The following TRPM3 variants were observed in gnomAD, a reference collection of about 807,000 sequenced individuals.
TRPM3 encodes the protein transient receptor potential cation channel subfamily M member 3, also known as long transient receptor potential channel 3.
Under a neutral mutation model 181.2 loss-of-function variants are expected in TRPM3, and 77 were observed. That is an observed-to-expected ratio of 0.42 (90% confidence interval 0.35 to 0.51). TRPM3 has a LOEUF of 0.51. Ranked by LOEUF, TRPM3 falls within the 20% of genes least tolerant of loss-of-function variation. The pLI is 0.01. For missense variants in TRPM3, 1,759 were observed against 2,196.7 expected, an observed-to-expected ratio of 0.80 and a Z score of 3.98; for synonymous variants, 745 against 796.4, an observed-to-expected ratio of 0.94 and a Z score of 1.09.
At chr9:70,831,848 A>G (rs1258613716) in intron 5 of TRPM3, among the ~76,000 whole-genome samples, 1 of 150,778 alleles carries the variant, frequency 6.6e-6, no homozygotes, top group Non-Finnish European at 1.5e-5. Flanking sequence ...AAAGAATGTA[A>G]CTGAATTATT....
intron 1 of TRPM3, among the ~76,000 whole-genome samples, chr9:71,250,620 G>A (rs12378604): frequency 0.27 from 41,736 of 152,062 alleles, 6,786 homozygotes; most frequent in African/African-American, 0.45. Context: ...AGGATTCCTA[G>A]TCTCAAGGAG....
intron 1 of TRPM3, among the ~76,000 whole-genome samples, chr9:71,186,270 G>A (rs2077673658): frequency 6.6e-6 from 1 of 151,954 alleles, no homozygotes; most frequent in Admixed American, 6.6e-5. Flanking sequence ...GGGAGGTTAT[G>A]GCTTCAATCT....
intron 1 of TRPM3, among the ~76,000 whole-genome samples, chr9:70,956,902 AT>A (rs1472625108): frequency 6.6e-6 from 1 of 151,556 alleles, no homozygotes; most frequent in Non-Finnish European, 1.5e-5. Context: ...CAAAAAAAAA[AT>A]TTCTTCTAAA....
At chr9:71,031,739 T>C (rs377676411) in intron 1 of TRPM3, among the ~76,000 whole-genome samples, 18 of 151,062 alleles carry the variant, frequency 1.2e-4, no homozygotes, top group East Asian at 9.7e-4. Context: ...GCTGGAGCCA[T>C]TGGGGTAATC....
At chr9:70,883,569 A>T (rs930091475) in intron 1 of TRPM3, among the ~76,000 whole-genome samples, 4 of 152,150 alleles carry the variant, frequency 2.6e-5, no homozygotes, top group Non-Finnish European at 5.9e-5. Flanking sequence ...TCCCATTCCA[A>T]TTCTCATCAA....
At chr9:70,945,434 T>G (rs1350890149) in intron 1 of TRPM3, among the ~76,000 whole-genome samples, 1 of 152,216 alleles carries the variant, frequency 6.6e-6, no homozygotes, top group Non-Finnish European at 1.5e-5. Flanking sequence ...AAACATCAGC[T>G]TTCTTGTCTG....
chr9:71,174,084 T>A (rs1433194615), intron 1 of TRPM3, among the ~76,000 whole-genome samples: 2 of 152,196 alleles, frequency 1.3e-5, no homozygotes, highest in African/African-American at 2.4e-5. Flanking sequence ...TCTGTACGAG[T>A]ATTTATATAT....
chr9:70,643,069 C>A (rs558967533), intron 9 of TRPM3, among the ~76,000 whole-genome samples: 1 of 152,272 alleles, frequency 6.6e-6, no homozygotes, highest in African/African-American at 2.4e-5. Flanking sequence ...TTAGTGTTTA[C>A]AATGATGAAT....
intron 1 of TRPM3, among the ~76,000 whole-genome samples, chr9:71,398,328 A>G (rs1171648485): frequency 6.6e-6 from 1 of 152,138 alleles, no homozygotes; most frequent in Non-Finnish European, 1.5e-5. Context: ...TTAATACACT[A>G]TTTTTCCCAC....
intron 12 of TRPM3, among the ~76,000 whole-genome samples, chr9:70,629,966 T>C (rs1239135330): frequency 6.6e-6 from 1 of 152,220 alleles, no homozygotes; most frequent in African/African-American, 2.4e-5. Flanking sequence ...ATAGGTGTCC[T>C]GCGTGGACTC....
At chr9:70,610,890 C>T (rs2061904392) in intron 18 of TRPM3, 141 bp from the exon 19 acceptor site, 5 of 921,306 alleles carry the variant, frequency 5.4e-6, no homozygotes, top group South Asian at 5.1e-5. Flanking sequence ...TGTACCTTCC[C>T]TAAGAGTGCA....
chr9:71,364,083 C>A (rs1411090870), intron 1 of TRPM3, among the ~76,000 whole-genome samples: 1 of 151,872 alleles, frequency 6.6e-6, no homozygotes, highest in Non-Finnish European at 1.5e-5. Flanking sequence ...GGCTATCTCA[C>A]AATAGGGTGA....
chr9:70,578,876 G>A (rs2054775786), intron 22 of TRPM3, among the ~76,000 whole-genome samples: 2 of 152,188 alleles, frequency 1.3e-5, no homozygotes, highest in South Asian at 4.1e-4. Flanking sequence ...CTGTGCATCA[G>A]GGGATGTTAG....
intron 7 of TRPM3, among the ~76,000 whole-genome samples, chr9:70,772,474 A>G (rs2080498688): frequency 6.6e-6 from 1 of 151,908 alleles, no homozygotes; most frequent in Admixed American, 6.6e-5. Context: ...CTGAGATGCC[A>G]CCACACCTGG....
intron 1 of TRPM3, among the ~76,000 whole-genome samples, chr9:71,027,758 G>C (rs2056761656): frequency 6.6e-6 from 1 of 152,124 alleles, no homozygotes; most frequent in Non-Finnish European, 1.5e-5. Flanking sequence ...AGTCAGACAA[G>C]AAGAAAGAAG....
intron 1 of TRPM3, among the ~76,000 whole-genome samples, chr9:70,925,692 T>C (rs1328212963): frequency 6.6e-6 from 1 of 151,988 alleles, no homozygotes; most frequent in Non-Finnish European, 1.5e-5. Flanking sequence ...TATGCTGGGG[T>C]ATCAGCAGTG....
intron 1 of TRPM3, among the ~76,000 whole-genome samples, chr9:70,910,698 G>A (rs2133141589): frequency 6.6e-6 from 1 of 152,254 alleles, no homozygotes; most frequent in East Asian, 1.9e-4. Flanking sequence ...TGGCCAAGCT[G>A]TGAATAAGAG....
At chr9:70,854,373 G>T (rs1173918539) in intron 3 of TRPM3, among the ~76,000 whole-genome samples, 4 of 152,146 alleles carry the variant, frequency 2.6e-5, no homozygotes, top group Admixed American at 6.5e-5. Flanking sequence ...TGTTAAACAG[G>T]GGTGATCCTG....
chr9:70,643,357 G>A (rs1397655703), intron 9 of TRPM3, among the ~76,000 whole-genome samples: 1 of 152,168 alleles, frequency 6.6e-6, no homozygotes, highest in East Asian at 1.9e-4. Flanking sequence ...CCATTTGTAT[G>A]TTGCAAATTA....
Sources: gnomAD v4.1 joint callset for allele counts (sites outside exome capture counted in the v4.1 genomes callset) on GRCh38, gnomAD v4.1.1 for gene constraint, MANE v1.5 for transcripts, NCBI Gene and HGNC (gene_info 2026-07-23, HGNC 2026-07-21) for gene names.